Variants in MLF1 observed in about 807,000 individuals in gnomAD.
MLF1 encodes the protein myelodysplasia-myeloid leukemia factor 1.
Under a neutral mutation model 38.3 loss-of-function variants are expected in MLF1, and 37 were observed. The ratio of observed to expected loss-of-function variants is 0.96; its 90% CI spans 0.74 to 1.27. The LOEUF (loss-of-function observed/expected upper bound fraction) is 1.27. Ranked by LOEUF, MLF1 falls within the 50% of genes most tolerant of loss-of-function variation. MLF1 has a pLI of 0.00. For missense variants in MLF1, 331 were observed against 349.2 expected, an observed-to-expected ratio of 0.95 and a Z score of 0.42; for synonymous variants, 95 against 106.5, an observed-to-expected ratio of 0.89 and a Z score of 0.66.
chr3:158,591,028 G>A, intron 1 of MLF1: 2 of 453,058 alleles, frequency 4.4e-6, no homozygotes, highest in South Asian at 3.2e-5. Flanking sequence ...TTTTGGAATA[G>A]GTTTATGTAT....
chr3:158,593,972 G>A (rs964552780), intron 3 of MLF1, among the ~76,000 whole-genome samples: 1 of 152,136 alleles, frequency 6.6e-6, no homozygotes, highest in African/African-American at 2.4e-5. Context: ...CACACTAAAA[G>A]CATTCTGGGG....
At chr3:158,583,070 G>A in intron 1 of MLF1, 1 of 509,760 alleles carries the variant, frequency 2.0e-6, no homozygotes, top group South Asian at 2.9e-5. Flanking sequence ...TTTCCCCCAA[G>A]TGTATATCCC....
At chr3:158,593,313 A>T in intron 2 of MLF1, 69 bp from the exon 3 acceptor site, 2 of 1,213,008 alleles carry the variant, frequency 1.6e-6, no homozygotes, top group Non-Finnish European at 1.1e-6. Context: ...GTAAACATTT[A>T]ATTGGTAAAT....
At chr3:158,593,358 A>T in intron 2 of MLF1, 24 bp from the exon 3 acceptor site, 1 of 1,521,542 alleles carries the variant, frequency 6.6e-7, no homozygotes, top group Non-Finnish European at 8.8e-7. Flanking sequence ...TCATAATCAA[A>T]TGAATTGGAT....
chr3:158,600,230 C>A, intron 6 of MLF1, 57 bp downstream of exon 6: 2 of 1,085,658 alleles, frequency 1.8e-6, no homozygotes, highest in South Asian at 3.4e-5. Context: ...AACAGCCGTA[C>A]TTGATGAATT....
chr3:158,584,591 T>C (rs188194483), intron 1 of MLF1, among the ~76,000 whole-genome samples: 110 of 151,940 alleles, frequency 7.2e-4, no homozygotes, highest in Admixed American at 1.6e-3. Context: ...TGTTATAAAT[T>C]TTGCCCAATG....
Position 158,605,116 on chromosome 3 carries a change from C to T in MLF1, c.766C>T (p.Pro256Ser). 6.2e-7 allele frequency: 1 copy of T among 1,613,182 alleles called. No homozygotes were observed. Residue 256 changes from proline to serine, a missense_variant, in exon 8 of 8, where the codon CCA becomes TCA. By Grantham distance (74) the Pro-to-Ser change is moderately conservative. Coordinates refer to ENST00000466246, the MANE Select transcript of MLF1 (RefSeq NM_001369783.1). Reference protein sequence around the residue: ...LKRREKPQQSPAIEHGRRSNV... With the variant: ...LKRREKPQQSSAIEHGRRSNV... ...TCTCAGGGAGAAACCTCAACAAAGT[C>T]CAGCCATTGAACATGGAAGGAGATC... is the stretch of plus-strand genomic sequence containing the variant.
chr3:158,597,942 G>A (rs982006282), intron 4 of MLF1, 138 bp from the exon 5 acceptor site: 2 of 927,922 alleles, frequency 2.2e-6, no homozygotes, highest in Admixed American at 2.9e-5. Context: ...TGAGAACCTG[G>A]GTGTGCCTTT....
intron 1 of MLF1, among the ~76,000 whole-genome samples, chr3:158,575,080 AAC>A (rs142562969): frequency 0.018 from 2,691 of 152,280 alleles, 47 homozygotes; most frequent in East Asian, 0.091. Flanking sequence ...CAGAAATAGT[AAC>A]AGACTACAAA....
intron 5 of MLF1, among the ~76,000 whole-genome samples, chr3:158,599,179 C>G (rs1040330296): frequency 6.6e-6 from 1 of 152,122 alleles, no homozygotes; most frequent in African/African-American, 2.4e-5. Context: ...GTAGGTGAGT[C>G]TAATCTTTCA....
At chr3:158,595,327 G>C (rs1056663188) in intron 3 of MLF1, among the ~76,000 whole-genome samples, 8 of 152,222 alleles carry the variant, frequency 5.3e-5, no homozygotes, top group Admixed American at 4.6e-4. Flanking sequence ...AATTTTTGAA[G>C]GCCTTAAGGG....
intron 1 of MLF1, among the ~76,000 whole-genome samples, chr3:158,590,051 CAAAGAT>C (rs1717896549): frequency 6.6e-6 from 1 of 152,104 alleles, no homozygotes; most frequent in South Asian, 2.1e-4. Flanking sequence ...GAAGACCTAA[CAAAGAT>C]TCATGGTTGT....
intron 1 of MLF1, chr3:158,582,580 A>C (rs1019458490): frequency 3.4e-6 from 1 of 292,638 alleles, no homozygotes; most frequent in Admixed American, 5.1e-5. Context: ...TAAAGAAGAA[A>C]TCTTGAAAGA....
chr3:158,601,351 C>T (rs1275499478), intron 6 of MLF1, among the ~76,000 whole-genome samples: 4 of 151,820 alleles, frequency 2.6e-5, no homozygotes, highest in Non-Finnish European at 5.9e-5. Context: ...GGGCAGATCA[C>T]GAGGTCAGGA....
chr3:158,574,989 G>T (rs1560094242), intron 1 of MLF1, among the ~76,000 whole-genome samples: 1 of 152,124 alleles, frequency 6.6e-6, no homozygotes, highest in African/African-American at 2.4e-5. Context: ...AGTATAATAT[G>T]TTCTTTAAAA....
chr3:158,597,165 C>G (rs1009804313), intron 4 of MLF1, among the ~76,000 whole-genome samples: 4 of 151,940 alleles, frequency 2.6e-5, no homozygotes, highest in Admixed American at 1.3e-4. Context: ...ATTTTCTAGT[C>G]TATTTCATGT....
intron 1 of MLF1, chr3:158,591,295 G>A (rs1718101028): frequency 2.6e-6 from 1 of 386,848 alleles, no homozygotes; most frequent in Non-Finnish European, 5.0e-6. Context: ...GAGTAGCTGG[G>A]ATTATAGGCG....
At position 158,605,098 on chromosome 3, in the gene MLF1, G is replaced by A; in HGVS notation, c.748G>A (p.Glu250Lys). 3.7e-6 allele frequency: 6 copies of A among 1,610,322 alleles called. No homozygotes were observed. Among genetic ancestry groups the A allele is most frequent in the Non-Finnish European group, 5.1e-6 (6 of 1,177,642 alleles). Residue 250 changes from glutamate to lysine, a missense_variant and splice_region_variant, in exon 8 of 8, where the codon GAG becomes AAG. Physicochemically the swap from Glu to Lys is moderately conservative, Grantham distance 56. Coordinates refer to ENST00000466246, the MANE Select transcript of MLF1 (RefSeq NM_001369783.1). ...NPGSRELKRR[E>K]KPQQSPAIEH... Reference sequence around the variant, plus strand: ...AATATTCACATGTATATTTCTCAGGGAGAAACCTCAACAAAGTCCAGCCAT... The same window carrying A: ...AATATTCACATGTATATTTCTCAGGAAGAAACCTCAACAAAGTCCAGCCAT...
At chr3:158,602,268 A>G (rs1045063780) in intron 6 of MLF1, among the ~76,000 whole-genome samples, 2 of 152,242 alleles carry the variant, frequency 1.3e-5, no homozygotes, top group Non-Finnish European at 2.9e-5. Context: ...GTGAAGGAAC[A>G]TAATATTTTA....
Sources: gnomAD v4.1 joint callset for allele counts (sites outside exome capture counted in the v4.1 genomes callset) on GRCh38, gnomAD v4.1.1 for gene constraint, MANE v1.5 for transcripts, NCBI Gene and HGNC (gene_info 2026-07-23, HGNC 2026-07-21) for gene names.